The following SPATA13 variants were observed in gnomAD, a reference collection of about 807,000 sequenced individuals.
SPATA13 encodes spermatogenesis associated 13.
A neutral mutation model predicts 104.0 loss-of-function variants in SPATA13; 50 were observed. That is an observed-to-expected ratio of 0.48 (90% CI 0.38 to 0.61). The LOEUF (loss-of-function observed/expected upper bound fraction) is 0.61. Ranked by LOEUF, SPATA13 falls within the 20% of genes least tolerant of loss-of-function variation. The probability of loss-of-function intolerance (pLI) is 0.00; values close to 1 mark genes in which losing one functional copy is unlikely to be tolerated. For synonymous variants in SPATA13, 606 were observed against 667.5 expected, an observed-to-expected ratio of 0.91 and a Z score of 1.42; for missense variants, 1,524 against 1,690.6, an observed-to-expected ratio of 0.90 and a Z score of 1.73.
intron 3 of SPATA13, among the ~76,000 whole-genome samples, chr13:24,140,060 C>T (rs1307566144): frequency 2.1e-5 from 3 of 145,922 alleles, no homozygotes; most frequent in African/African-American, 7.9e-5. Flanking sequence ...CAGAGTGAGA[C>T]TCCGTCTCAA....
intron 3 of SPATA13, among the ~76,000 whole-genome samples, chr13:24,131,366 G>T (rs1274724614): frequency 6.6e-6 from 1 of 152,152 alleles, no homozygotes; most frequent in African/African-American, 2.4e-5. Flanking sequence ...AGGACCAGCT[G>T]ACTTCTCACA....
intron 3 of SPATA13, among the ~76,000 whole-genome samples, chr13:24,065,843 TA>T (rs1379965337): frequency 6.6e-6 from 1 of 152,252 alleles, no homozygotes; most frequent in Non-Finnish European, 1.5e-5. Context: ...TTCTAAGTTC[TA>T]AAGCATGGGC....
intron 1 of SPATA13, among the ~76,000 whole-genome samples, chr13:24,198,788 C>T (rs1870235986): frequency 6.6e-6 from 1 of 152,128 alleles, no homozygotes; most frequent in South Asian, 2.1e-4. Context: ...TTCTGCAGGT[C>T]AGCAAAGTTA....
intron 3 of SPATA13, among the ~76,000 whole-genome samples, chr13:24,042,918 G>A (rs528337266): frequency 1.3e-5 from 2 of 152,348 alleles, no homozygotes; most frequent in South Asian, 4.1e-4. Flanking sequence ...TAGATTTACA[G>A]TTGATAGAAT....
chr13:24,055,633 C>G (rs771777210), intron 3 of SPATA13, among the ~76,000 whole-genome samples: 1 of 152,202 alleles, frequency 6.6e-6, no homozygotes, highest in Non-Finnish European at 1.5e-5. Context: ...TATTCGAGAA[C>G]AAGGGTTCCA....
intron 2 of SPATA13, among the ~76,000 whole-genome samples, chr13:24,243,817 A>G (rs1872974720): frequency 6.6e-6 from 1 of 152,168 alleles, no homozygotes; most frequent in Middle Eastern, 3.2e-3. Context: ...ACCCTAGGAG[A>G]AAACTGGGGG....
chr13:24,284,118 T>C lies in SPATA13; in HGVS notation c.2165-17T>C, dbSNP rs1875738191. ...AGCTGTGTCTTTTAAATCATGCCTT[T>C]GTTTTGTATGTTTTAGTTTCTTCAG... is the stretch of plus-strand genomic sequence containing the variant. On this transcript the variant is annotated splice_polypyrimidine_tract_variant and intron_variant, in intron 4 of 12. Transcript: ENST00000382108. The C allele has an allele frequency of 6.3e-7, 1 of 1,591,700 alleles. No individual in the cohort carries two copies. The highest frequency in any genetic ancestry group is 8.6e-7 in the Non-Finnish European group (1 of 1,164,282).
chr13:24,101,849 G>A (rs1008444037), intron 3 of SPATA13, among the ~76,000 whole-genome samples: 1 of 152,182 alleles, frequency 6.6e-6, no homozygotes, highest in Non-Finnish European at 1.5e-5. Context: ...TCTGTTGTGT[G>A]TGTTTACCAC....
intron 3 of SPATA13, among the ~76,000 whole-genome samples, chr13:24,116,777 C>G (rs565821706): frequency 3.5e-4 from 53 of 151,430 alleles, no homozygotes; most frequent in South Asian, 3.4e-3. Context: ...CAGCCCCCCC[C>G]CCCCAATGTG....
At chr13:23,987,753 A>G (rs780843733) in intron 2 of SPATA13, among the ~76,000 whole-genome samples, 5 of 152,150 alleles carry the variant, frequency 3.3e-5, no homozygotes, top group East Asian at 1.9e-4. Context: ...ATTTTACACA[A>G]TTGGAATTCC....
rs113905293 is a variant in SPATA13, at chr13:24,112,354, G to T, written c.-112+94653G>T. On this transcript the variant is annotated intron_variant, in intron 3 of 14. Transcript: ENST00000424834. Reference sequence around the variant, plus strand: ...TCTTGTTGCCCCTACAGCACCTTCTGTGCCACTCTGTAGTGCTCCCCACAT... The same window carrying T: ...TCTTGTTGCCCCTACAGCACCTTCTTTGCCACTCTGTAGTGCTCCCCACAT... 7.4e-4 allele frequency among the ~76,000 whole-genome samples: 113 copies of T among 152,280 alleles called. 1 individual carries two copies. Among genetic ancestry groups the T allele is most frequent in the African/African-American group, 2.4e-3 (101 of 41,544 alleles).
rs191208411 is a variant in SPATA13, at chr13:24,262,980, G to A, written c.2164+11118G>A. Reference sequence around the variant, plus strand: ...TTTTAAAAAAAAAGAAACTTGACTGGGTCTTTTTTATAGATTCTCTGGGCT... The same window carrying A: ...TTTTAAAAAAAAAGAAACTTGACTGAGTCTTTTTTATAGATTCTCTGGGCT... On this transcript the variant is annotated intron_variant, in intron 4 of 12. Coordinates refer to ENST00000382108, the MANE Select transcript of SPATA13 (RefSeq NM_001166271.3). Among the ~76,000 whole-genome samples, 294 of 152,058 alleles carry A rather than the reference G, an allele frequency of 1.9e-3. 2 individuals carry two copies. The highest frequency in any genetic ancestry group is 6.7e-3 in the African/African-American group (279 of 41,458).
upstream of SPATA13, chr13:24,160,582 T>G (rs1882426543): frequency 2.9e-5 from 9 of 309,576 alleles, no homozygotes; most frequent in Non-Finnish European, 4.2e-5. Context: ...CCGGCTGTGG[T>G]TGGTAGTGTG....
intron 4 of SPATA13, among the ~76,000 whole-genome samples, chr13:24,269,401 T>C (rs1874452214): frequency 8.2e-6 from 1 of 121,504 alleles, no homozygotes; most frequent in Admixed American, 8.3e-5. Flanking sequence ...TGTATGTATG[T>C]ATGTATCTAT....
rs1009380919 is a variant in SPATA13 at position 24,246,244 on chromosome 13, A to G, written c.1654-3233A>G. Among the ~76,000 whole-genome samples, 17 of 152,364 alleles carry G rather than the reference A, an allele frequency of 1.1e-4. No individual in the cohort carries two copies. In the East Asian group the frequency reaches 3.3e-3, roughly 29 times the overall value. ...TTCCTGAACCTTTTTATTACAGGGC[A>G]ATAATGTAATTGGGTTTATTCTCAC... is the stretch of plus-strand genomic sequence containing the variant. On this transcript the variant is annotated intron_variant, in intron 2 of 12. Transcript: ENST00000382108.
At chr13:24,278,996 T>C (rs10162067) in intron 4 of SPATA13, among the ~76,000 whole-genome samples, 9,908 of 94,002 alleles carry the variant, frequency 0.11, 693 homozygotes, top group African/African-American at 0.24. Flanking sequence ...CTCCCTCCCT[T>C]CCTTCCTTCC....
At chr13:24,066,099 G>A (rs9580854) in intron 3 of SPATA13, among the ~76,000 whole-genome samples, 2,884 of 152,244 alleles carry the variant, frequency 0.019, 102 homozygotes, top group African/African-American at 0.066. Flanking sequence ...ATTATGAATT[G>A]TTAAAGGTAC....
At chr13:24,030,047 AACACACACACACACACACGCAC>A (rs1566078567) in intron 3 of SPATA13, among the ~76,000 whole-genome samples, 2 of 144,344 alleles carry the variant, frequency 1.4e-5, no homozygotes, top group East Asian at 4.3e-4. Context: ...ACCTTCTCCT[AACACACACACACACACACGCAC>A]ACACACACAC....
chr13:24,106,902 C>T (rs1469920961), intron 3 of SPATA13, among the ~76,000 whole-genome samples: 1 of 152,058 alleles, frequency 6.6e-6, no homozygotes, highest in Non-Finnish European at 1.5e-5. Context: ...AATATGGGGT[C>T]AGGGATTCAA....
Sources: gnomAD v4.1 joint callset for allele counts (sites outside exome capture counted in the v4.1 genomes callset) on GRCh38, gnomAD v4.1.1 for gene constraint, MANE v1.5 for transcripts, NCBI Gene and HGNC (gene_info 2026-07-23, HGNC 2026-07-21) for gene names.